Variants in EPG5 observed in about 807,000 individuals in gnomAD.
EPG5 encodes the protein ectopic P-granules 5 autophagy tethering factor.
EPG5 carries 159 observed loss-of-function variants against 302.7 expected under a neutral mutation model. The ratio of observed to expected loss-of-function variants is 0.53; its 90% CI spans 0.46 to 0.60. The LOEUF is 0.60. Among genes scored for constraint, EPG5 ranks in the 20% least tolerant of loss-of-function variants. EPG5 has a pLI of 0.00. For synonymous variants in EPG5, 1,158 were observed against 1,136.8 expected (o/e 1.02, Z -0.37); for missense variants, 2,896 against 3,092.4 (o/e 0.94, Z 1.51).
chr18:45,961,658 C>T (rs1225573516), intron 1 of EPG5, among the ~76,000 whole-genome samples: 1 of 152,068 alleles, frequency 6.6e-6, no homozygotes, highest in Non-Finnish European at 1.5e-5. Context: ...GTCAGGAGTT[C>T]GAGACCAGCC....
intron 10 of EPG5, 146 bp from the exon 11 acceptor site, chr18:45,935,112 T>C (rs890337197): frequency 7.2e-5 from 60 of 835,744 alleles, no homozygotes; most frequent in Non-Finnish European, 9.3e-5. Flanking sequence ...ACCTCAAGGA[T>C]GGCTAAGAAT....
intron 39 of EPG5, among the ~76,000 whole-genome samples, chr18:45,863,258 T>C (rs1427604721): frequency 6.6e-6 from 1 of 152,220 alleles, no homozygotes; most frequent in East Asian, 1.9e-4. Context: ...AATCTTTGTC[T>C]TTTAACTTAA....
intron 37 of EPG5, 29 bp downstream of exon 37, chr18:45,867,534 A>G: frequency 6.2e-7 from 1 of 1,602,458 alleles, no homozygotes; most frequent in Non-Finnish European, 8.5e-7. Flanking sequence ...AGCCTTGCCG[A>G]ATTTTTGCCA....
At position 45,952,542 on chromosome 18, in the gene EPG5, G is replaced by T; in HGVS notation, c.1110C>A (p.Ala370=). The T allele has an allele frequency of 6.2e-7, 1 of 1,614,100 alleles. No individual in the cohort carries two copies. Among genetic ancestry groups the T allele is most frequent in the Non-Finnish European group, 8.5e-7 (1 of 1,180,018 alleles). The part of the protein sequence containing the change: ...ALVELKKLFD[A]KSEHLHQTLA... ...GGGTCTGGTGGAGGTGCTCAGATTT[G>T]GCATCGAATAGCTTCTTTAGCTCCA... Residue 370 remains alanine, a synonymous_variant, in exon 3 of 44, where the codon GCC becomes GCA. Transcript: ENST00000282041.
rs776146922 is a variant in EPG5, at chr18:45,944,015, AAACCC to A, written c.1777_1781del (p.Gly593Ter). On this transcript the variant is annotated frameshift_variant, in exon 8 of 44. Coordinates refer to ENST00000282041, the MANE Select transcript of EPG5 (RefSeq NM_020964.3). LOFTEE classifies it high-confidence loss of function. ...GAGAAATGAGTCTACCTTTTGCTTT[AAACCC>A]AAGAAGATGCTGAAAGAGTTCATGA... The A allele has an allele frequency of 6.2e-6, 10 of 1,609,336 alleles. No homozygotes were observed. Among genetic ancestry groups the A allele is most frequent in the Non-Finnish European group, 8.5e-6 (10 of 1,175,732 alleles).
intron 39 of EPG5, among the ~76,000 whole-genome samples, chr18:45,864,587 G>T (rs533876242): frequency 2.6e-5 from 4 of 152,156 alleles, no homozygotes; most frequent in African/African-American, 9.6e-5. Flanking sequence ...ATGGTACCTT[G>T]TTTCCTGTGT....
the EPG5 span, among the ~76,000 whole-genome samples, chr18:45,841,570 G>C: frequency 6.6e-6 from 1 of 152,188 alleles, no homozygotes; most frequent in Admixed American, 6.5e-5. Flanking sequence ...AGGTGCAGGG[G>C]TGGCGGTGGG....
chr18:45,951,820 T>A (rs1408690473), intron 3 of EPG5, among the ~76,000 whole-genome samples: 1 of 152,132 alleles, frequency 6.6e-6, no homozygotes, highest in African/African-American at 2.4e-5. Context: ...GTTAATTGAT[T>A]AGTTAAGAAA....
chr18:45,966,716 G>A (rs1040957009), intron 1 of EPG5, among the ~76,000 whole-genome samples: 1 of 152,250 alleles, frequency 6.6e-6, no homozygotes, highest in African/African-American at 2.4e-5. Context: ...GATCAGAAAT[G>A]GCACAGCACT....
intron 23 of EPG5, among the ~76,000 whole-genome samples, chr18:45,908,850 G>A (rs1366250553): frequency 1.3e-5 from 2 of 152,002 alleles, no homozygotes; most frequent in African/African-American, 4.8e-5. Context: ...TCAGGAGGCT[G>A]AGGCAGGAGA....
intron 42 of EPG5, among the ~76,000 whole-genome samples, chr18:45,856,967 G>A (rs1489934065): frequency 6.6e-6 from 1 of 152,086 alleles, no homozygotes; most frequent in African/African-American, 2.4e-5. Flanking sequence ...TGGCCAGGCT[G>A]GAGTGCAATG....
chr18:45,867,050 T>A, intron 37 of EPG5, 43 bp from the exon 38 acceptor site: 1 of 1,492,320 alleles, frequency 6.7e-7, no homozygotes, highest in Non-Finnish European at 9.3e-7. Context: ...GAGCCCCAAT[T>A]TTTCCAGAAA....
intron 12 of EPG5, 112 bp from the exon 13 acceptor site, chr18:45,929,121 A>T: frequency 9.0e-7 from 1 of 1,105,276 alleles, no homozygotes; most frequent in Non-Finnish European, 1.3e-6. Flanking sequence ...TTGAGCCTTA[A>T]TTGACACTAT....
chr18:45,823,989 A>G, the EPG5 span, among the ~76,000 whole-genome samples: 1 of 152,194 alleles, frequency 6.6e-6, no homozygotes, highest in Non-Finnish European at 1.5e-5. Flanking sequence ...ATAAATAAGT[A>G]CATAATGTAA....
the EPG5 span, among the ~76,000 whole-genome samples, chr18:45,839,478 G>A: frequency 3.1e-4 from 47 of 152,242 alleles, no homozygotes; most frequent in African/African-American, 9.6e-4. Context: ...TGCTGTGTGG[G>A]TGCTAGGAAT....
chr18:45,825,545 G>T, the EPG5 span: 2 of 614,284 alleles, frequency 3.3e-6, no homozygotes, highest in South Asian at 3.9e-5. Flanking sequence ...TGAATGATCA[G>T]ACCTCAGGCT....
the EPG5 span, among the ~76,000 whole-genome samples, chr18:45,813,017 T>C: frequency 6.6e-6 from 1 of 152,008 alleles, no homozygotes; most frequent in African/African-American, 2.4e-5. Context: ...TGCAATCTAC[T>C]CATCTGACAA....
intron 35 of EPG5, among the ~76,000 whole-genome samples, chr18:45,873,638 A>G (rs1023361203): frequency 6.6e-6 from 1 of 152,226 alleles, no homozygotes; most frequent in African/African-American, 2.4e-5. Flanking sequence ...TTTCAAAAAA[A>G]TAATTGAGTA....
intron 6 of EPG5, among the ~76,000 whole-genome samples, chr18:45,947,561 T>A (rs181397451): frequency 2.6e-5 from 4 of 152,270 alleles, no homozygotes; most frequent in African/African-American, 9.6e-5. Flanking sequence ...CCATCAAATC[T>A]AAACTCCTCA....
Sources: gnomAD v4.1 joint callset for allele counts (sites outside exome capture counted in the v4.1 genomes callset) on GRCh38, gnomAD v4.1.1 for gene constraint, MANE v1.5 for transcripts, NCBI Gene and HGNC (gene_info 2026-07-23, HGNC 2026-07-21) for gene names.